DLGAP2: variants seen among roughly 807,000 people sequenced by gnomAD.
DLGAP2 encodes the protein disks large-associated protein 2.
Under a neutral mutation model 100.3 loss-of-function variants are expected in DLGAP2, and 26 were observed. The observed-to-expected ratio is 0.26, with a 90% confidence interval of 0.19 to 0.36. The LOEUF (loss-of-function observed/expected upper bound fraction) is 0.36. DLGAP2 is among the 10% of genes least tolerant of loss of function. The pLI, the probability that DLGAP2 is intolerant of heterozygous loss-of-function variation, is 1.00. For synonymous variants in DLGAP2, 886 were observed against 630.1 expected (o/e 1.41, Z -6.08); for missense variants, 1,858 against 1,453.2 (o/e 1.28, Z -4.53).
chr8:974,673 G>C (rs578047954), intron 2 of DLGAP2, among the ~76,000 whole-genome samples: 23 of 152,120 alleles, frequency 1.5e-4, no homozygotes, highest in Middle Eastern at 3.4e-3. Context: ...GAAGTCTCAA[G>C]ATAAATTTTA....
chr8:1,045,850 G>C (rs1802498869), intron 2 of DLGAP2, among the ~76,000 whole-genome samples: 1 of 152,324 alleles, frequency 6.6e-6, no homozygotes, highest in Non-Finnish European at 1.5e-5. Context: ...ACTCGCCATA[G>C]GACGGCGCCC....
intron 3 of DLGAP2, among the ~76,000 whole-genome samples, chr8:1,299,082 AC>A (rs1430363388): frequency 2.0e-5 from 3 of 152,244 alleles, no homozygotes; most frequent in Non-Finnish European, 2.9e-5. Flanking sequence ...CTTGTGGGTA[AC>A]TTTTAATTTG....
chr8:1,143,144 T>A lies in DLGAP2; in HGVS notation c.74-115707T>A, dbSNP rs189565975. Among the ~76,000 whole-genome samples the A allele has an allele frequency of 1.1e-4, 16 of 152,214 alleles. No homozygotes were observed. In the East Asian group the frequency reaches 2.9e-3, roughly 28 times the overall value. ...CAGCCAGGGTTCTCTCCTTTATAAATTGGGGGAAACAGTCTCTCCCAGTCT... is the reference window on the plus strand; with the variant it reads ...CAGCCAGGGTTCTCTCCTTTATAAAATGGGGGAAACAGTCTCTCCCAGTCT... On this transcript the variant is annotated intron_variant, in intron 2 of 14. Transcript: ENST00000637795.
chr8:1,683,872 G>A (rs1238693251), intron 12 of DLGAP2, among the ~76,000 whole-genome samples: 3,077 of 97,282 alleles, frequency 0.032, 133 homozygotes, highest in East Asian at 0.097. Flanking sequence ...GTGTGTGTGT[G>A]TGTGTGTGTG....
chr8:1,443,434 G>C (rs1221013142), intron 3 of DLGAP2, among the ~76,000 whole-genome samples: 2 of 152,160 alleles, frequency 1.3e-5, no homozygotes, highest in Non-Finnish European at 2.9e-5. Flanking sequence ...ATTTCTGCCA[G>C]TTTCACTTAA....
At chr8:941,347 C>G (rs1013968981) in intron 2 of DLGAP2, among the ~76,000 whole-genome samples, 7 of 152,030 alleles carry the variant, frequency 4.6e-5, no homozygotes, top group African/African-American at 1.7e-4. Context: ...TGAGATGTAC[C>G]AGGGTCATGT....
intron 8 of DLGAP2, among the ~76,000 whole-genome samples, chr8:1,649,601 A>T (rs1798118272): frequency 6.6e-6 from 1 of 152,178 alleles, no homozygotes; most frequent in Admixed American, 6.5e-5. Context: ...CACTACTGAT[A>T]TTTTCCAATG....
chr8:1,242,350 C>G (rs1007464176), intron 2 of DLGAP2, among the ~76,000 whole-genome samples: 1 of 152,212 alleles, frequency 6.6e-6, no homozygotes, highest in Non-Finnish European at 1.5e-5. Context: ...TATGCCATTA[C>G]CTGCTCATGG....
intron 3 of DLGAP2, among the ~76,000 whole-genome samples, chr8:1,488,212 C>A (rs1799280070): frequency 6.6e-6 from 1 of 152,124 alleles, no homozygotes; most frequent in Non-Finnish European, 1.5e-5. Context: ...AGTCCTCCAC[C>A]CCCCTGCAAA....
chr8:1,149,407 A>G (rs749597525), intron 2 of DLGAP2, among the ~76,000 whole-genome samples: 2 of 152,088 alleles, frequency 1.3e-5, no homozygotes, highest in African/African-American at 2.4e-5. Flanking sequence ...TCGGCCTCCC[A>G]AAGTGCTGGG....
At chr8:801,794 C>T (rs573785757) in intron 1 of DLGAP2, among the ~76,000 whole-genome samples, 3 of 152,310 alleles carry the variant, frequency 2.0e-5, no homozygotes, top group South Asian at 2.1e-4. Flanking sequence ...GGGGTTCACA[C>T]AGATGGTCCC....
intron 3 of DLGAP2, among the ~76,000 whole-genome samples, chr8:1,484,419 A>T (rs957130498): frequency 2.0e-5 from 3 of 152,376 alleles, no homozygotes; most frequent in Middle Eastern, 6.8e-3. Flanking sequence ...TCAAAAGAAA[A>T]AGGGAAATTG....
At chr8:948,971 G>T (rs530643465) in intron 2 of DLGAP2, among the ~76,000 whole-genome samples, 1 of 151,492 alleles carries the variant, frequency 6.6e-6, no homozygotes. Context: ...CGTGACTGCC[G>T]CCATCTTGAG....
At chr8:1,147,556 A>G (rs1796630097) in intron 2 of DLGAP2, among the ~76,000 whole-genome samples, 1 of 150,506 alleles carries the variant, frequency 6.6e-6, no homozygotes, top group Admixed American at 6.6e-5. Flanking sequence ...TTTTTTTTAA[A>G]GACAGAGTCT....
chr8:1,058,447 T>C (rs1802948810), intron 2 of DLGAP2, among the ~76,000 whole-genome samples: 2 of 152,186 alleles, frequency 1.3e-5, no homozygotes, highest in South Asian at 4.1e-4. Context: ...CAATCATCAA[T>C]AGAACTCTAA....
At chr8:1,324,204 C>G (rs763222247) in intron 3 of DLGAP2, among the ~76,000 whole-genome samples, 1 of 152,176 alleles carries the variant, frequency 6.6e-6, no homozygotes, top group Non-Finnish European at 1.5e-5. Flanking sequence ...TTCAGTCTTT[C>G]CCAAATTAGG....
At chr8:866,611 G>A (rs1463513150) in intron 1 of DLGAP2, among the ~76,000 whole-genome samples, 2 of 152,152 alleles carry the variant, frequency 1.3e-5, no homozygotes, top group Admixed American at 1.3e-4. Flanking sequence ...TGGAGAGTTG[G>A]CCTTGGTCCA....
At chr8:1,573,830 G>A (rs1045549360) in intron 6 of DLGAP2, among the ~76,000 whole-genome samples, 2 of 152,174 alleles carry the variant, frequency 1.3e-5, no homozygotes, top group Admixed American at 6.5e-5. Flanking sequence ...CCCGACAGCC[G>A]GCAGACCCTA....
chr8:899,740 G>A (rs762542087), intron 1 of DLGAP2, among the ~76,000 whole-genome samples: 1 of 152,226 alleles, frequency 6.6e-6, no homozygotes, highest in African/African-American at 2.4e-5. Context: ...TAGCTGGAAA[G>A]AATTAATTGA....
Sources: allele counts gnomAD v4.1 joint callset (sites outside exome capture counted in the v4.1 genomes callset), GRCh38; gene constraint gnomAD v4.1.1; transcripts MANE v1.5; gene names NCBI Gene and HGNC (gene_info 2026-07-23, HGNC 2026-07-21).